VGLL4: variants seen among roughly 807,000 people sequenced by gnomAD.
VGLL4 encodes the protein vestigial like family member 4, also known as transcription cofactor vestigial-like protein 4.
VGLL4 carries 7 observed loss-of-function variants against 21.0 expected under a neutral mutation model. The ratio of observed to expected loss-of-function variants is 0.33; its 90% CI spans 0.19 to 0.63. The LOEUF is 0.63. VGLL4 is among the 20% of genes least tolerant of loss of function. The pLI, the probability that VGLL4 is intolerant of heterozygous loss-of-function variation, is 0.78. For synonymous variants in VGLL4, 222 were observed against 173.2 expected (o/e 1.28, Z -2.21); for missense variants, 394 against 425.7 (o/e 0.93, Z 0.66).
intron 1 of VGLL4, among the ~76,000 whole-genome samples, chr3:11,608,183 C>A (rs1224539421): frequency 6.6e-6 from 1 of 152,172 alleles, no homozygotes; most frequent in Non-Finnish European, 1.5e-5. Flanking sequence ...CTGAGTAACC[C>A]CGTATTTTAA....
chr3:11,591,525 G>A (rs2074496010), intron 2 of VGLL4, among the ~76,000 whole-genome samples: 1 of 152,236 alleles, frequency 6.6e-6, no homozygotes, highest in South Asian at 2.1e-4. Context: ...CAGAAGCGAG[G>A]CCTGCTGGGA....
chr3:11,583,004 G>C (rs1434056387), intron 2 of VGLL4, among the ~76,000 whole-genome samples: 1 of 152,198 alleles, frequency 6.6e-6, no homozygotes, highest in Non-Finnish European at 1.5e-5. Flanking sequence ...ACAGGTGGGT[G>C]CAAGAAGTTG....
Position 11,654,316 on chromosome 3 carries a change from T to TG in VGLL4, c.64+48654dup, listed in dbSNP as rs754118530. Reference sequence around the variant, plus strand: ...CTAAGTGCCACACTCCATGGCACAGTGCATATCTTCTGCATATCCTGTTTC... The same window carrying TG: ...CTAAGTGCCACACTCCATGGCACAGTGGCATATCTTCTGCATATCCTGTTTC... On this transcript the variant is annotated intron_variant, in intron 2 of 5. Transcript: ENST00000273038. Among the ~76,000 whole-genome samples the TG allele has an allele frequency of 5.1e-4, 77 of 152,190 alleles. 1 individual carries two copies. Among genetic ancestry groups the TG allele is most frequent in the Non-Finnish European group, 2.2e-4 (15 of 68,034 alleles).
chr3:11,679,258 G>A (rs2076337410), intron 2 of VGLL4, among the ~76,000 whole-genome samples: 1 of 152,142 alleles, frequency 6.6e-6, no homozygotes, highest in Non-Finnish European at 1.5e-5. Context: ...CTTCCAGTGG[G>A]ACAAAATGTG....
chr3:11,575,671 A>G (rs2074017360), intron 2 of VGLL4, among the ~76,000 whole-genome samples: 1 of 152,266 alleles, frequency 6.6e-6, no homozygotes, highest in South Asian at 2.1e-4. Flanking sequence ...GATTTTAGTT[A>G]GAGACCTGTC....
At chr3:11,671,057 G>T (rs1401843638) in intron 2 of VGLL4, among the ~76,000 whole-genome samples, 1 of 152,046 alleles carries the variant, frequency 6.6e-6, no homozygotes, top group African/African-American at 2.4e-5. Context: ...AAAAGGAGAG[G>T]GTGGTGCATT....
chr3:11,681,397 T>C (rs2076368893), intron 2 of VGLL4, among the ~76,000 whole-genome samples: 3 of 152,196 alleles, frequency 2.0e-5, no homozygotes, highest in Non-Finnish European at 4.4e-5. Context: ...CTTTCTTCAT[T>C]CATTCATTCA....
upstream of VGLL4, chr3:11,643,928 T>C (rs1575488840): frequency 2.0e-6 from 2 of 996,846 alleles, no homozygotes; most frequent in African/African-American, 1.7e-5. Flanking sequence ...TTGGCATGAC[T>C]CCTATGCCGC....
chr3:11,655,739 C>T (rs936204694), intron 2 of VGLL4, among the ~76,000 whole-genome samples: 6 of 152,234 alleles, frequency 3.9e-5, no homozygotes, highest in East Asian at 3.9e-4. Context: ...TGTCTGGTTC[C>T]GGCTGGTGGC....
chr3:11,674,854 A>G (rs1178868343), intron 2 of VGLL4, among the ~76,000 whole-genome samples: 7 of 152,244 alleles, frequency 4.6e-5, no homozygotes, highest in Non-Finnish European at 8.8e-5. Flanking sequence ...TAAGGGGGGG[A>G]AATGGAAAGA....
chr3:11,648,205 T>C (rs7610704), upstream of VGLL4, among the ~76,000 whole-genome samples: 75,690 of 151,904 alleles, frequency 0.5, 19,146 homozygotes, highest in East Asian at 0.59. Flanking sequence ...AAGCAAAGAA[T>C]ATATTTTGGA....
At chr3:11,596,816 C>T (rs17034765) in intron 2 of VGLL4, among the ~76,000 whole-genome samples, 3,114 of 152,208 alleles carry the variant, frequency 0.02, 41 homozygotes, top group Non-Finnish European at 0.03. Flanking sequence ...CAAATCAAGT[C>T]TAGAAGCAAT....
chr3:11,639,200 A>T (rs1309712117), intron 1 of VGLL4, among the ~76,000 whole-genome samples: 2 of 152,236 alleles, frequency 1.3e-5, no homozygotes, highest in Non-Finnish European at 2.9e-5. Flanking sequence ...CCCAGGGATG[A>T]TGTCAGTGCA....
chr3:11,639,662 C>G (rs565314052), intron 1 of VGLL4, among the ~76,000 whole-genome samples: 31 of 152,312 alleles, frequency 2.0e-4, no homozygotes, highest in African/African-American at 7.2e-4. Flanking sequence ...TACCTGAGAT[C>G]AGGAGTTTGA....
At chr3:11,702,753 A>C (rs898212101) in intron 2 of VGLL4, 109 of 300,276 alleles carry the variant, frequency 3.6e-4, no homozygotes, top group Non-Finnish European at 5.9e-4. Flanking sequence ...AACAAAAAAA[A>C]AAACAAACCA....
At chr3:11,632,534 A>C (rs2075505065) in intron 1 of VGLL4, among the ~76,000 whole-genome samples, 1 of 152,190 alleles carries the variant, frequency 6.6e-6, no homozygotes, top group South Asian at 2.1e-4. Context: ...CCACACTCCT[A>C]AGATTCCAAA....
At chr3:11,615,028 C>T (rs2075135867) in intron 1 of VGLL4, among the ~76,000 whole-genome samples, 1 of 152,162 alleles carries the variant, frequency 6.6e-6, no homozygotes, top group South Asian at 2.1e-4. Context: ...TACACGTTTT[C>T]TTGCTGTGAT....
chr3:11,615,031 G>C (rs913434135), intron 1 of VGLL4, among the ~76,000 whole-genome samples: 1 of 152,078 alleles, frequency 6.6e-6, no homozygotes, highest in South Asian at 2.1e-4. Flanking sequence ...ACGTTTTCTT[G>C]CTGTGATTTT....
At chr3:11,658,658 G>A (rs369899328) in intron 2 of VGLL4, among the ~76,000 whole-genome samples, 1 of 114,602 alleles carries the variant, frequency 8.7e-6, no homozygotes, top group Admixed American at 8.6e-5. Flanking sequence ...TTATCCAGCC[G>A]GCATGTGGCA....
Sources: allele counts gnomAD v4.1 joint callset (sites outside exome capture counted in the v4.1 genomes callset), GRCh38; gene constraint gnomAD v4.1.1; transcripts MANE v1.5; gene names NCBI Gene and HGNC (gene_info 2026-07-23, HGNC 2026-07-21).